Variants in EXOC4 observed in about 807,000 individuals in gnomAD.
EXOC4 encodes SEC8-like 1.
EXOC4 carries 71 observed loss-of-function variants against 107.2 expected under a neutral mutation model. The ratio of observed to expected loss-of-function variants is 0.66; its 90% confidence interval spans 0.55 to 0.81. EXOC4 has a LOEUF of 0.81. Ranked by LOEUF, EXOC4 falls within the 30% of genes least tolerant of loss-of-function variation. The pLI is 0.00. For synonymous variants in EXOC4, 456 were observed against 441.2 expected, an observed-to-expected ratio of 1.03 and a Z score of -0.42; for missense variants, 1,108 against 1,189.6, an observed-to-expected ratio of 0.93 and a Z score of 1.01.
chr7:133,813,225 G>A (rs1372934278), intron 10 of EXOC4, among the ~76,000 whole-genome samples: 1 of 152,082 alleles, frequency 6.6e-6, no homozygotes. Flanking sequence ...CATATTTTAG[G>A]TACACGAAAG....
chr7:133,660,595 A>G (rs1429227503), intron 10 of EXOC4, among the ~76,000 whole-genome samples: 3 of 152,146 alleles, frequency 2.0e-5, no homozygotes, highest in Non-Finnish European at 4.4e-5. Flanking sequence ...TCTTAGTGGA[A>G]CTCTGCAAAG....
chr7:133,704,983 A>C (rs2151090573), intron 10 of EXOC4, among the ~76,000 whole-genome samples: 1 of 152,324 alleles, frequency 6.6e-6, no homozygotes, highest in Admixed American at 6.5e-5. Flanking sequence ...TAGTAACCTC[A>C]GCATATGATT....
the EXOC4 span, among the ~76,000 whole-genome samples, chr7:134,084,796 T>C: frequency 6.6e-6 from 1 of 151,214 alleles, no homozygotes; most frequent in Non-Finnish European, 1.5e-5. Flanking sequence ...AAAGAAAAAC[T>C]TCAGCCAAAT....
At chr7:133,800,640 C>G (rs1796919287) in intron 10 of EXOC4, among the ~76,000 whole-genome samples, 1 of 152,084 alleles carries the variant, frequency 6.6e-6, no homozygotes, top group Non-Finnish European at 1.5e-5. Context: ...AAAGTTGAAG[C>G]AATCTTAGGA....
chr7:133,460,249 A>G (rs2150823166), intron 7 of EXOC4, among the ~76,000 whole-genome samples: 1 of 152,314 alleles, frequency 6.6e-6, no homozygotes, highest in African/African-American at 2.4e-5. Flanking sequence ...TGAAAATCTA[A>G]TGCTGCTGAC....
chr7:133,534,186 T>G (rs1800232139), intron 9 of EXOC4, among the ~76,000 whole-genome samples: 1 of 152,204 alleles, frequency 6.6e-6, no homozygotes, highest in South Asian at 2.1e-4. Context: ...ATTCATGTTT[T>G]TGTTGCCATT....
At position 134,005,038 on chromosome 7, in the gene EXOC4, A is replaced by G; in HGVS notation, c.2475A>G (p.Glu825=). ...VKLNKDISAI[E]EAMSASLQQH... ...TCAACAAAGATATCAGCGCCATTGA[A>G]GAGGCCATGAGCGCCAGCCTTCAGC... The change falls in exon 16 of 18, where the codon GAA becomes GAG. Residue 825 remains glutamate (E), a synonymous_variant. Coordinates refer to ENST00000253861, the MANE Select transcript of EXOC4 (RefSeq NM_021807.4). 1 of 1,613,608 alleles carries G rather than the reference A, an allele frequency of 6.2e-7. No individual in the cohort carries two copies.
At chr7:134,075,762 G>C in the EXOC4 span, among the ~76,000 whole-genome samples, 1 of 152,026 alleles carries the variant, frequency 6.6e-6, no homozygotes, top group South Asian at 2.1e-4. Flanking sequence ...TGAGTAGAAG[G>C]GTGTCACTTC....
At chr7:133,995,347 T>C (rs1794364523) in intron 14 of EXOC4, among the ~76,000 whole-genome samples, 1 of 152,212 alleles carries the variant, frequency 6.6e-6, no homozygotes, top group Non-Finnish European at 1.5e-5. Context: ...GGAGTGAGAC[T>C]TCAAAGTCCA....
At chr7:134,041,090 G>C (rs904662662) in intron 17 of EXOC4, among the ~76,000 whole-genome samples, 5 of 152,130 alleles carry the variant, frequency 3.3e-5, no homozygotes, top group African/African-American at 1.2e-4. Flanking sequence ...TATGGCATCA[G>C]ATGTTTATAG....
rs183677511 is a variant in EXOC4, at chr7:133,951,046, A to C, written c.2206+12977A>C. Reference sequence around the variant, plus strand: ...TCTGCCTCTCTCCAGGAAGCGGAGCATGGGTCACTGACAGACAGATGGCTG... The same window carrying C: ...TCTGCCTCTCTCCAGGAAGCGGAGCCTGGGTCACTGACAGACAGATGGCTG... On this transcript the variant is annotated intron_variant, in intron 14 of 17. Coordinates refer to ENST00000253861, the MANE Select transcript of EXOC4 (RefSeq NM_021807.4). Among the ~76,000 whole-genome samples, 539 of 152,356 alleles carry C rather than the reference A, an allele frequency of 3.5e-3. 3 individuals carry two copies. The highest frequency in any genetic ancestry group is 0.013 in the African/African-American group (521 of 41,590).
intron 11 of EXOC4, among the ~76,000 whole-genome samples, chr7:133,895,391 G>C (rs1563047281): frequency 6.6e-6 from 1 of 152,104 alleles, no homozygotes; most frequent in African/African-American, 2.4e-5. Flanking sequence ...CCCGTCTTCT[G>C]CGTCGCTCAC....
chr7:133,985,193 T>C (rs913657232), intron 14 of EXOC4, among the ~76,000 whole-genome samples: 3 of 152,016 alleles, frequency 2.0e-5, no homozygotes, highest in African/African-American at 7.2e-5. Context: ...TGACCAGTGG[T>C]TGGGGGAAGG....
intron 10 of EXOC4, among the ~76,000 whole-genome samples, chr7:133,771,738 C>T (rs80046614): frequency 1.0e-3 from 158 of 151,974 alleles, no homozygotes; most frequent in South Asian, 8.5e-3. Flanking sequence ...GAGATTGCCT[C>T]GGCAGAAGAT....
At chr7:133,791,211 C>T (rs1486484806) in intron 10 of EXOC4, among the ~76,000 whole-genome samples, 1 of 152,190 alleles carries the variant, frequency 6.6e-6, no homozygotes, top group Non-Finnish European at 1.5e-5. Flanking sequence ...GGCTACCCAA[C>T]CCCTAGAAGT....
At chr7:134,063,379 G>C (rs1006019815) in intron 17 of EXOC4, among the ~76,000 whole-genome samples, 1 of 152,166 alleles carries the variant, frequency 6.6e-6, no homozygotes, top group African/African-American at 2.4e-5. Context: ...ATGGCACACA[G>C]AATATTCTTG....
intron 11 of EXOC4, among the ~76,000 whole-genome samples, chr7:133,879,938 C>A (rs558243741): frequency 1.4e-4 from 22 of 152,250 alleles, no homozygotes; most frequent in Non-Finnish European, 2.6e-4. Flanking sequence ...AAGCTGGCAC[C>A]CCCATCCATT....
At chr7:133,959,521 G>T (rs555319894) in intron 14 of EXOC4, among the ~76,000 whole-genome samples, 3 of 151,054 alleles carry the variant, frequency 2.0e-5, no homozygotes, top group African/African-American at 7.3e-5. Flanking sequence ...GGTCTACAGA[G>T]AAAAAAAGGA....
At chr7:133,898,765 AAAAAG>A (rs1224522276) in intron 12 of EXOC4, among the ~76,000 whole-genome samples, 7 of 147,848 alleles carry the variant, frequency 4.7e-5, no homozygotes, top group Non-Finnish European at 8.9e-5. Flanking sequence ...AAAAAAAAAA[AAAAAG>A]AGTTCGAGAC....
Sources: gnomAD v4.1 joint callset for allele counts (sites outside exome capture counted in the v4.1 genomes callset) on GRCh38, gnomAD v4.1.1 for gene constraint, MANE v1.5 for transcripts, NCBI Gene and HGNC (gene_info 2026-07-23, HGNC 2026-07-21) for gene names.